The following FAM107B variants were observed in gnomAD, a reference collection of about 807,000 sequenced individuals.
FAM107B encodes the protein protein FAM107B.
A neutral mutation model predicts 31.5 loss-of-function variants in FAM107B; 21 were observed. The observed-to-expected ratio is 0.67, with a 90% CI of 0.47 to 0.96. The LOEUF is 0.96. FAM107B is among the 40% of genes least tolerant of loss of function. The pLI is 0.00. For synonymous variants in FAM107B, 157 were observed against 141.5 expected, an observed-to-expected ratio of 1.11 and a Z score of -0.78; for missense variants, 452 against 377.1, an observed-to-expected ratio of 1.20 and a Z score of -1.64.
chr10:14,650,445 C>G (rs1255586272), intron 2 of FAM107B, among the ~76,000 whole-genome samples: 2 of 152,130 alleles, frequency 1.3e-5, no homozygotes, highest in African/African-American at 4.8e-5. Context: ...ACCACCATGC[C>G]TGGCTCATTT....
Position 14,610,216 on chromosome 10 carries a change from G to A in FAM107B, c.469+57418C>T, listed in dbSNP as rs771483582. The stretch of plus-strand genomic sequence containing the variant: ...AAATTAGCCAGGCATGGTGATGGGC[G>A]CTTGTAGTCCCAGCTACTCGGGAGG... On this transcript the variant is annotated intron_variant, in intron 2 of 4. Transcript: ENST00000181796. Among the ~76,000 whole-genome samples the A allele has an allele frequency of 3.7e-4, 56 of 152,128 alleles. 1 individual carries two copies. Among genetic ancestry groups the A allele is most frequent in the Middle Eastern group, 6.8e-3 (2 of 294 alleles).
At chr10:14,527,184 CAAA>C (rs200742738) in intron 3 of FAM107B, among the ~76,000 whole-genome samples, 4 of 124,348 alleles carry the variant, frequency 3.2e-5, no homozygotes, top group Admixed American at 8.1e-5. Context: ...ATCTTTTAAC[CAAA>C]AAAAAAAAAA....
intron 2 of FAM107B, among the ~76,000 whole-genome samples, chr10:14,595,606 A>C (rs1447890824): frequency 6.6e-6 from 1 of 151,932 alleles, no homozygotes; most frequent in African/African-American, 2.4e-5. Flanking sequence ...TTATAATTTT[A>C]GTAGAGACAG....
chr10:14,629,869 T>G (rs1853308257), intron 2 of FAM107B, among the ~76,000 whole-genome samples: 2 of 151,936 alleles, frequency 1.3e-5, no homozygotes, highest in Admixed American at 6.6e-5. Flanking sequence ...TGATATAAAT[T>G]TAGAAAAAAA....
chr10:14,693,642 A>G (rs1855198482), intron 1 of FAM107B, among the ~76,000 whole-genome samples: 1 of 152,174 alleles, frequency 6.6e-6, no homozygotes, highest in Non-Finnish European at 1.5e-5. Flanking sequence ...CAGGAACGGC[A>G]AATACAGTAC....
At chr10:14,660,937 G>A (rs777003357) in intron 2 of FAM107B, among the ~76,000 whole-genome samples, 10 of 152,122 alleles carry the variant, frequency 6.6e-5, no homozygotes. Context: ...TTGGAGGAGG[G>A]GCCTGGCAGG....
chr10:14,607,010 C>T (rs780791211), intron 2 of FAM107B, among the ~76,000 whole-genome samples: 1 of 152,192 alleles, frequency 6.6e-6, no homozygotes, highest in Non-Finnish European at 1.5e-5. Context: ...GATTCTAAAT[C>T]CCATCCCAGC....
rs564149935 is a variant in FAM107B, at chr10:14,547,385, T to G, written c.470-16870A>C. 2.0e-5 allele frequency among the ~76,000 whole-genome samples: 3 copies of G among 152,342 alleles called. No individual in the cohort carries two copies. In the East Asian group the frequency reaches 5.8e-4, roughly 29 times the overall value. ...GTCATTCTATCATTTTGTAAGTTTT[T>G]CATCTCAAATCTCCGTATATTGGCC... is the stretch of plus-strand genomic sequence containing the variant. On this transcript the variant is annotated intron_variant, in intron 2 of 4. Coordinates refer to ENST00000181796, the MANE Select transcript of FAM107B (RefSeq NM_031453.4).
At chr10:14,553,382 A>G in intron 2 of FAM107B, 1 of 1,279,356 alleles carries the variant, frequency 7.8e-7, no homozygotes, top group Non-Finnish European at 1.0e-6. Flanking sequence ...TTTCAACTGC[A>G]TTCTCCTTTA....
intron 1 of FAM107B, among the ~76,000 whole-genome samples, chr10:14,753,271 T>C (rs902751824): frequency 6.6e-6 from 1 of 151,940 alleles, no homozygotes; most frequent in Admixed American, 6.6e-5. Flanking sequence ...ACATAAAAAG[T>C]TTTTATGATC....
At position 14,575,347 on chromosome 10, in the gene FAM107B, G is replaced by A. The variant is rs572767062; in HGVS notation, c.470-44832C>T. ...GCCTCCTGAGTAACTAGGATTACAA[G>A]AGCGTGCCACCACACCAGCTAATTT... On this transcript the variant is annotated intron_variant, in intron 2 of 4. Transcript: ENST00000181796. Among the ~76,000 whole-genome samples, 252 of 152,170 alleles carry A rather than the reference G, an allele frequency of 1.7e-3. 2 individuals carry two copies. Among genetic ancestry groups the A allele is most frequent in the South Asian group, 7.3e-3 (35 of 4,824 alleles).
intron 1 of FAM107B, among the ~76,000 whole-genome samples, chr10:14,719,778 C>T (rs1855868448): frequency 7.0e-6 from 1 of 143,318 alleles, no homozygotes. Context: ...CTGGGCTCCC[C>T]TCACACCATC....
At chr10:14,763,023 G>C (rs553941597) in intron 1 of FAM107B, among the ~76,000 whole-genome samples, 1 of 152,282 alleles carries the variant, frequency 6.6e-6, no homozygotes, top group East Asian at 1.9e-4. Context: ...AGCACTTTGG[G>C]AGGCAGAGGG....
chr10:14,633,693 A>G (rs1056454849), intron 2 of FAM107B, among the ~76,000 whole-genome samples: 14 of 152,198 alleles, frequency 9.2e-5, no homozygotes, highest in Non-Finnish European at 1.6e-4. Context: ...AGTCAATAAA[A>G]CATAAACAAA....
At chr10:14,558,241 TCA>T (rs1409228035) in intron 2 of FAM107B, among the ~76,000 whole-genome samples, 11 of 151,692 alleles carry the variant, frequency 7.3e-5, no homozygotes, top group Non-Finnish European at 1.0e-4. Flanking sequence ...ATGCGCACAC[TCA>T]CATACGTGCA....
intron 2 of FAM107B, chr10:14,604,249 C>T (rs1457325385): frequency 5.1e-6 from 5 of 979,658 alleles, no homozygotes; most frequent in Non-Finnish European, 6.0e-6. Flanking sequence ...CCTCGGCGCG[C>T]GCACAAAGGC....
chr10:14,579,019 C>T (rs1851551126), intron 2 of FAM107B, among the ~76,000 whole-genome samples: 1 of 152,114 alleles, frequency 6.6e-6, no homozygotes, highest in Non-Finnish European at 1.5e-5. Context: ...AAAAAAGCTA[C>T]ACTCCTTTTC....
At chr10:14,738,787 T>G (rs1856368806) in intron 1 of FAM107B, among the ~76,000 whole-genome samples, 1 of 152,206 alleles carries the variant, frequency 6.6e-6, no homozygotes, top group Admixed American at 6.5e-5. Context: ...GTTAGTGTGC[T>G]AAGTTTCCAT....
intron 2 of FAM107B, among the ~76,000 whole-genome samples, chr10:14,620,458 A>C (rs923620462): frequency 2.6e-5 from 4 of 152,114 alleles, no homozygotes; most frequent in Admixed American, 1.3e-4. Flanking sequence ...CTCCAAAATT[A>C]TTTTGGTTGT....
Sources: gnomAD v4.1 joint callset for allele counts (sites outside exome capture counted in the v4.1 genomes callset) on GRCh38, gnomAD v4.1.1 for gene constraint, MANE v1.5 for transcripts, NCBI Gene and HGNC (gene_info 2026-07-23, HGNC 2026-07-21) for gene names.